Variants in ALDH7A1 observed in about 807,000 individuals in gnomAD.
The protein encoded by ALDH7A1 is alpha-aminoadipic semialdehyde dehydrogenase.
In ALDH7A1, 63 loss-of-function variants were observed where a neutral mutation model predicts 79.9. The ratio of observed to expected loss-of-function variants is 0.79; its 90% CI spans 0.64 to 0.97. ALDH7A1 has a LOEUF of 0.97. Among genes scored for constraint, ALDH7A1 ranks in the 50% least tolerant of loss-of-function variants. The pLI is 0.00. For missense variants in ALDH7A1, 627 were observed against 665.2 expected (o/e 0.94, Z 0.63); for synonymous variants, 240 against 231.2 (o/e 1.04, Z -0.34).
intron 17 of ALDH7A1, among the ~76,000 whole-genome samples, 195 bp downstream of exon 17, chr5:126,546,129 C>T (rs917865502): frequency 2.0e-5 from 3 of 152,164 alleles, no homozygotes; most frequent in Non-Finnish European, 2.9e-5. Flanking sequence ...TTGTTGGGTG[C>T]TGGGCACTAG....
intron 3 of ALDH7A1, among the ~76,000 whole-genome samples, chr5:126,591,615 T>TA (rs1751555620): frequency 1.3e-5 from 2 of 152,184 alleles, no homozygotes; most frequent in Admixed American, 1.3e-4. Context: ...TTAACTCATT[T>TA]AACCCTCCCA....
rs1171592846 is a variant in ALDH7A1, at chr5:126,583,856, A to C, written c.393+76T>G. 21 of 1,293,918 alleles carry C rather than the reference A, an allele frequency of 1.6e-5. No homozygotes were observed. The Admixed American group carries it at 3.9e-4, about 24-fold the overall frequency. The allele number at this position is 1,293,918 out of a possible 1,614,324, so 80.2% of individuals were successfully genotyped here. ...CCATCTCAAAAAAAAAAAACCTCAC[A>C]ATTTTATATATAGAAAAGCATGACA... On this transcript the variant is annotated intron_variant, in intron 4 of 17. Coordinates refer to ENST00000409134, the MANE Select transcript of ALDH7A1 (RefSeq NM_001182.5).
At chr5:126,572,249 C>G (rs192367547) in intron 7 of ALDH7A1, among the ~76,000 whole-genome samples, 1 of 152,054 alleles carries the variant, frequency 6.6e-6, no homozygotes, top group African/African-American at 2.4e-5. Context: ...CCTAAAATAC[C>G]CTTTATAGCT....
At chr5:126,565,210 T>C (rs923867432) in intron 9 of ALDH7A1, among the ~76,000 whole-genome samples, 7 of 151,860 alleles carry the variant, frequency 4.6e-5, no homozygotes, top group South Asian at 2.1e-4. Context: ...CTGGCCAAGA[T>C]GGTGAAACCC....
intron 17 of ALDH7A1, 91 bp downstream of exon 17, chr5:126,546,233 T>C: frequency 8.5e-7 from 1 of 1,172,858 alleles, no homozygotes; most frequent in Non-Finnish European, 1.3e-6. Context: ...CAAATGACAC[T>C]GCACAAAGAC....
chr5:126,589,698 G>A (rs1751477116), intron 3 of ALDH7A1, among the ~76,000 whole-genome samples: 1 of 151,270 alleles, frequency 6.6e-6, no homozygotes, highest in South Asian at 2.1e-4. Flanking sequence ...CATCTGGGAT[G>A]TGAGGAGCGC....
intron 1 of ALDH7A1, chr5:126,594,332 C>G (rs1214349819): frequency 2.2e-6 from 1 of 463,638 alleles, no homozygotes; most frequent in Non-Finnish European, 4.5e-6. Context: ...CTGCGGTGCA[C>G]GTCACAGCTG....
intron 6 of ALDH7A1, 25 bp downstream of exon 6, chr5:126,577,054 A>G (rs775182892): frequency 4.3e-6 from 7 of 1,613,178 alleles, no homozygotes; most frequent in Non-Finnish European, 5.9e-6. Flanking sequence ...ACTCACTACT[A>G]AATAGGAAAG....
intron 3 of ALDH7A1, among the ~76,000 whole-genome samples, chr5:126,584,986 C>G (rs758938098): frequency 6.6e-6 from 1 of 152,042 alleles, no homozygotes; most frequent in Admixed American, 6.6e-5. Flanking sequence ...AAGTTCTTCC[C>G]AATTCTGCCT....
intron 11 of ALDH7A1, 96 bp from the exon 12 acceptor site, chr5:126,556,111 C>G (rs1750187087): frequency 2.9e-6 from 2 of 683,944 alleles, no homozygotes; most frequent in Non-Finnish European, 4.9e-6. Context: ...ATACTGTAAT[C>G]TCTAAAAATA....
intron 13 of ALDH7A1, among the ~76,000 whole-genome samples, chr5:126,553,569 G>T (rs1750074913): frequency 6.6e-6 from 1 of 152,146 alleles, no homozygotes; most frequent in African/African-American, 2.4e-5. Context: ...AAAATTAGCT[G>T]GGCATGGTAA....
intron 3 of ALDH7A1, among the ~76,000 whole-genome samples, chr5:126,585,354 C>T (rs548508382): frequency 6.1e-4 from 93 of 152,176 alleles, no homozygotes; most frequent in African/African-American, 2.2e-3. Flanking sequence ...AAACCTTCCC[C>T]CAGGCAGAAG....
rs765099324 is a variant in ALDH7A1, at chr5:126,583,969, T to C, written c.356A>G (p.Asp119Gly). ...KRGEIVRQIG[D>G]ALREKIQVLG... ...TACTTGGATCTTCTCCCGCAAGGCA[T>C]CGCCAATCTGTCTTACTATTTCTCC... The change falls in exon 4 of 18, where the codon GAT becomes GGT. Residue 119 changes from aspartate (D) to glycine (G), a missense_variant. By Grantham distance (94) the Asp-to-Gly change is moderately conservative. Transcript: ENST00000409134. The C allele has an allele frequency of 6.2e-7, 1 of 1,614,230 alleles. No homozygotes were observed. Among genetic ancestry groups the C allele is most frequent in the South Asian group, 1.1e-5 (1 of 91,088 alleles).
intron 5 of ALDH7A1, among the ~76,000 whole-genome samples, chr5:126,578,427 T>C (rs549689357): frequency 6.1e-4 from 93 of 152,208 alleles, no homozygotes; most frequent in African/African-American, 2.2e-3. Flanking sequence ...GGAGAATCAC[T>C]TGAGCTCAGT....
chr5:126,566,261 T>C (rs1411331227), intron 9 of ALDH7A1, among the ~76,000 whole-genome samples: 1 of 152,234 alleles, frequency 6.6e-6, no homozygotes, highest in African/African-American at 2.4e-5. Context: ...ATTTTGATGA[T>C]GATTTGTAGT....
At chr5:126,547,178 A>G (rs1749813056) in intron 16 of ALDH7A1, among the ~76,000 whole-genome samples, 1 of 152,254 alleles carries the variant, frequency 6.6e-6, no homozygotes, top group Admixed American at 6.5e-5. Context: ...GGAGCTAGTG[A>G]CAGCAGTAAA....
Position 126,568,242 on chromosome 5 carries a change from A to C in ALDH7A1, c.871+17T>G. 1 of 1,612,758 alleles carries C rather than the reference A, an allele frequency of 6.2e-7. No individual in the cohort carries two copies. The highest frequency in any genetic ancestry group is 8.5e-7 in the Non-Finnish European group (1 of 1,178,724). On this transcript the variant is annotated intron_variant, in intron 9 of 17. Coordinates refer to ENST00000409134, the MANE Select transcript of ALDH7A1 (RefSeq NM_001182.5). ...ATTTGAGAGAATTAAAATCCTCATTAGAAAGCCAACACTTACCAAACCTCT... is the reference window on the plus strand; with the variant it reads ...ATTTGAGAGAATTAAAATCCTCATTCGAAAGCCAACACTTACCAAACCTCT...
chr5:126,581,415 C>G (rs887383512), intron 5 of ALDH7A1: 1 of 151,278 alleles, frequency 6.6e-6, no homozygotes, highest in African/African-American at 2.4e-5. Context: ...ACAGGCAGAT[C>G]ACCTGAGCCC....
intron 8 of ALDH7A1, 182 bp from the exon 9 acceptor site, chr5:126,568,538 C>A: frequency 1.6e-6 from 1 of 626,416 alleles, no homozygotes; most frequent in Non-Finnish European, 2.9e-6. Flanking sequence ...CAGGTAGAAC[C>A]ATTAGGCAGA....
Sources: gnomAD v4.1 joint callset for allele counts (sites outside exome capture counted in the v4.1 genomes callset) on GRCh38, gnomAD v4.1.1 for gene constraint, MANE v1.5 for transcripts, NCBI Gene and HGNC (gene_info 2026-07-23, HGNC 2026-07-21) for gene names.